SAMSN1: variants seen among roughly 807,000 people sequenced by gnomAD.
SAMSN1 encodes SAM domain-containing protein SAMSN-1.
A neutral mutation model predicts 42.0 loss-of-function variants in SAMSN1; 31 were observed. That is an observed-to-expected ratio of 0.74 (90% CI 0.55 to 1.00). The LOEUF (loss-of-function observed/expected upper bound fraction) is 1.00. SAMSN1 is among the 50% of genes least tolerant of loss of function. SAMSN1 has a pLI of 0.00. For synonymous variants in SAMSN1, 178 were observed against 151.9 expected, an observed-to-expected ratio of 1.17 and a Z score of -1.26; for missense variants, 464 against 439.4, an observed-to-expected ratio of 1.06 and a Z score of -0.50.
At chr21:14,632,771 G>C (rs545919701) in intron 2 of SAMSN1, among the ~76,000 whole-genome samples, 1 of 152,174 alleles carries the variant, frequency 6.6e-6, no homozygotes, top group Non-Finnish European at 1.5e-5. Context: ...TGAAGGTTCA[G>C]CTAGGGAAAG....
chr21:14,598,361 A>C (rs1982330936), intron 6 of SAMSN1: 1 of 152,206 alleles, frequency 6.6e-6, no homozygotes, highest in African/African-American at 2.4e-5. Flanking sequence ...TATGCTACAA[A>C]AGGTTTGAGC....
chr21:14,497,266 A>C (rs746967821), intron 7 of SAMSN1, among the ~76,000 whole-genome samples: 38 of 152,206 alleles, frequency 2.5e-4, no homozygotes, highest in Non-Finnish European at 4.9e-4. Flanking sequence ...TGCTCAGAGC[A>C]CATATGTTTT....
At chr21:14,491,859 C>T (rs1227635039) in intron 7 of SAMSN1, among the ~76,000 whole-genome samples, 1 of 152,154 alleles carries the variant, frequency 6.6e-6, no homozygotes, top group Non-Finnish European at 1.5e-5. Flanking sequence ...AAAAACTAAT[C>T]TAATTTCATT....
intron 3 of SAMSN1, among the ~76,000 whole-genome samples, chr21:14,516,542 C>A (rs1226958156): frequency 6.6e-6 from 1 of 152,148 alleles, no homozygotes; most frequent in Non-Finnish European, 1.5e-5. Flanking sequence ...CAGGCGTGCA[C>A]CACCATGCTC....
chr21:14,576,073 A>G (rs1382515517), intron 2 of SAMSN1, among the ~76,000 whole-genome samples: 2 of 152,236 alleles, frequency 1.3e-5, no homozygotes, highest in African/African-American at 2.4e-5. Flanking sequence ...CTTTGTCTGC[A>G]GTAAAGAGTG....
At chr21:14,639,598 C>T (rs559825824) in intron 2 of SAMSN1, among the ~76,000 whole-genome samples, 3 of 152,242 alleles carry the variant, frequency 2.0e-5, no homozygotes, top group South Asian at 4.1e-4. Context: ...TTAGGAGAGA[C>T]ATCCAAACCA....
At chr21:14,555,947 T>C (rs538266750) in intron 2 of SAMSN1, among the ~76,000 whole-genome samples, 94 of 152,202 alleles carry the variant, frequency 6.2e-4, no homozygotes, top group Non-Finnish European at 1.1e-3. Flanking sequence ...TAAAATTGCC[T>C]GCTTAATTCA....
intron 3 of SAMSN1, 42 bp downstream of exon 3, chr21:14,516,850 G>C: frequency 2.0e-6 from 3 of 1,529,022 alleles, no homozygotes; most frequent in Non-Finnish European, 2.7e-6. Context: ...GTTTAAGAAA[G>C]TTTTAGTAGA....
upstream of SAMSN1, among the ~76,000 whole-genome samples, chr21:14,548,446 C>A (rs544128565): frequency 3.3e-5 from 5 of 152,064 alleles, no homozygotes; most frequent in African/African-American, 1.2e-4. Flanking sequence ...TTTATGAGAC[C>A]CATATCTGGA....
At chr21:14,614,297 T>C in intron 3 of SAMSN1, among the ~76,000 whole-genome samples, 1 of 152,222 alleles carries the variant, frequency 6.6e-6, no homozygotes, top group Middle Eastern at 3.4e-3. Context: ...GCAGTTGAGG[T>C]AGTAGAATGG....
chr21:14,544,407 T>C (rs1475948982), intron 1 of SAMSN1, among the ~76,000 whole-genome samples: 1 of 152,158 alleles, frequency 6.6e-6, no homozygotes, highest in Admixed American at 6.5e-5. Flanking sequence ...AAAATAAATG[T>C]GAATTATGAG....
chr21:14,519,874 G>C (rs1461814913), intron 2 of SAMSN1, among the ~76,000 whole-genome samples: 1 of 152,072 alleles, frequency 6.6e-6, no homozygotes, highest in Non-Finnish European at 1.5e-5. Flanking sequence ...TGTTGTACCT[G>C]TCATTAACCA....
chr21:14,514,415 T>G (rs192381651), intron 3 of SAMSN1, among the ~76,000 whole-genome samples: 5 of 152,308 alleles, frequency 3.3e-5, no homozygotes, highest in African/African-American at 9.6e-5. Context: ...TTGTCAGAGA[T>G]ATTTCTGGCT....
At chr21:14,548,707 C>T (rs768370240), upstream of SAMSN1, among the ~76,000 whole-genome samples, 1 of 152,004 alleles carries the variant, frequency 6.6e-6, no homozygotes, top group South Asian at 2.1e-4. Flanking sequence ...CTATGTTAAA[C>T]TTCTTGATCC....
chr21:14,579,870 C>T (rs947745066), intron 2 of SAMSN1, among the ~76,000 whole-genome samples: 1 of 152,140 alleles, frequency 6.6e-6, no homozygotes, highest in Non-Finnish European at 1.5e-5. Flanking sequence ...TATACAAATA[C>T]TGAACTAATT....
chr21:14,530,177 C>T (rs969268303), intron 1 of SAMSN1, among the ~76,000 whole-genome samples: 20 of 151,940 alleles, frequency 1.3e-4, no homozygotes, highest in East Asian at 9.7e-4. Flanking sequence ...ATTAGCCGGG[C>T]GTGGTGGCGG....
chr21:14,619,596 A>G (rs1364038047), intron 2 of SAMSN1: 1 of 222,430 alleles, frequency 4.5e-6, no homozygotes, highest in Non-Finnish European at 1.1e-5. Context: ...CTTATTGAAC[A>G]TCTACTATGT....
At chr21:14,529,075 G>C (rs1979069773) in intron 1 of SAMSN1, among the ~76,000 whole-genome samples, 1 of 152,192 alleles carries the variant, frequency 6.6e-6, no homozygotes, top group Non-Finnish European at 1.5e-5. Context: ...GGTAATGCTA[G>C]TCAATCTGAT....
At chr21:14,653,004 A>T (rs1983860612) in intron 1 of SAMSN1, among the ~76,000 whole-genome samples, 1 of 152,090 alleles carries the variant, frequency 6.6e-6, no homozygotes. Flanking sequence ...CACCATAGTT[A>T]AAAATGCCTT....
Sources: allele counts gnomAD v4.1 joint callset (sites outside exome capture counted in the v4.1 genomes callset), GRCh38; gene constraint gnomAD v4.1.1; transcripts MANE v1.5; gene names NCBI Gene and HGNC (gene_info 2026-07-23, HGNC 2026-07-21).